The following MYO16 variants were observed in gnomAD, a reference collection of about 807,000 sequenced individuals.
The protein encoded by MYO16 is myosin XVI.
Under a neutral mutation model 205.3 loss-of-function variants are expected in MYO16, and 94 were observed. That is an observed-to-expected ratio of 0.46 (90% CI 0.39 to 0.54). The LOEUF (loss-of-function observed/expected upper bound fraction) is 0.54. Ranked by LOEUF, MYO16 falls within the 20% of genes least tolerant of loss-of-function variation. The probability of loss-of-function intolerance (pLI) is 0.00; values close to 1 mark genes in which losing one functional copy is unlikely to be tolerated. For missense variants in MYO16, 2,315 were observed against 2,387.5 expected, an observed-to-expected ratio of 0.97 and a Z score of 0.63; for synonymous variants, 988 against 954.0, an observed-to-expected ratio of 1.04 and a Z score of -0.66.
chr13:108,781,634 C>T (rs1118797), intron 4 of MYO16, among the ~76,000 whole-genome samples: 12,006 of 152,272 alleles, frequency 0.079, 610 homozygotes, highest in Non-Finnish European at 0.12. Context: ...GGCTCTTTTA[C>T]TGTCTTTCTC....
intron 1 of MYO16, among the ~76,000 whole-genome samples, chr13:108,659,039 C>T (rs1881370853): frequency 6.6e-6 from 1 of 151,350 alleles, no homozygotes; most frequent in Non-Finnish European, 1.5e-5. Flanking sequence ...GGTAGTTGTA[C>T]AGCAGAATAA....
intron 14 of MYO16, among the ~76,000 whole-genome samples, chr13:108,892,162 CAT>C (rs1235898798): frequency 6.6e-6 from 1 of 152,062 alleles, no homozygotes; most frequent in Non-Finnish European, 1.5e-5. Flanking sequence ...TCTGTGGTAT[CAT>C]GTGTGTTCAT....
chr13:108,970,756 G>C (rs565281660), intron 20 of MYO16, among the ~76,000 whole-genome samples: 2 of 152,324 alleles, frequency 1.3e-5, no homozygotes, highest in South Asian at 4.1e-4. Flanking sequence ...GCATGTGTGT[G>C]TGCTGGTTGC....
the MYO16 span, among the ~76,000 whole-genome samples, chr13:108,518,456 G>T: frequency 4.9e-3 from 742 of 152,202 alleles, 7 homozygotes; most frequent in African/African-American, 0.016. Flanking sequence ...ATTTTTTAGG[G>T]TCTTCTAAAT....
intron 3 of MYO16, among the ~76,000 whole-genome samples, chr13:108,725,387 T>A (rs1027623637): frequency 6.6e-6 from 1 of 152,312 alleles, no homozygotes; most frequent in Middle Eastern, 3.4e-3. Flanking sequence ...TGTTGGGTAT[T>A]CAATATTTTT....
At chr13:108,524,038 G>A in the MYO16 span, among the ~76,000 whole-genome samples, 6 of 152,070 alleles carry the variant, frequency 3.9e-5, no homozygotes, top group Non-Finnish European at 7.4e-5. Context: ...GGAGGCTCAC[G>A]CCTGTAATCC....
intron 12 of MYO16, among the ~76,000 whole-genome samples, chr13:108,878,322 G>T (rs1879424581): frequency 6.6e-6 from 1 of 152,098 alleles, no homozygotes; most frequent in Non-Finnish European, 1.5e-5. Context: ...CAGAAGAGTG[G>T]CAGAGAAGGA....
chr13:108,781,908 A>T (rs1411391676), intron 4 of MYO16, among the ~76,000 whole-genome samples: 1 of 152,158 alleles, frequency 6.6e-6, no homozygotes, highest in East Asian at 1.9e-4. Flanking sequence ...ACCTCCTGCC[A>T]TGATTCTGAC....
At chr13:108,764,747 T>C (rs1404305556) in intron 4 of MYO16, among the ~76,000 whole-genome samples, 2 of 152,202 alleles carry the variant, frequency 1.3e-5, no homozygotes, top group Non-Finnish European at 2.9e-5. Flanking sequence ...TATCTTTTAA[T>C]TGGATGGTTG....
At chr13:108,781,323 C>A (rs1886294948) in intron 4 of MYO16, among the ~76,000 whole-genome samples, 1 of 152,182 alleles carries the variant, frequency 6.6e-6, no homozygotes, top group Non-Finnish European at 1.5e-5. Context: ...GTCCAGGTTC[C>A]AGCCTATGCT....
the MYO16 span, among the ~76,000 whole-genome samples, chr13:108,495,814 AG>A: frequency 6.6e-6 from 1 of 151,612 alleles, no homozygotes; most frequent in African/African-American, 2.4e-5. Flanking sequence ...CCCCGGGCAC[AG>A]GGGCAACTGC....
At chr13:108,618,550 C>A (rs1879429901) in intron 1 of MYO16, among the ~76,000 whole-genome samples, 1 of 152,166 alleles carries the variant, frequency 6.6e-6, no homozygotes, top group Non-Finnish European at 1.5e-5. Flanking sequence ...CTCTTCCATG[C>A]CTCCATCTTG....
At chr13:108,740,282 T>C (rs1389767860) in intron 4 of MYO16, among the ~76,000 whole-genome samples, 2 of 152,176 alleles carry the variant, frequency 1.3e-5, no homozygotes, top group Admixed American at 1.3e-4. Flanking sequence ...ACCTTTGGTC[T>C]TTGATGATGG....
intron 1 of MYO16, among the ~76,000 whole-genome samples, chr13:108,633,406 G>A (rs7139488): frequency 5.9e-5 from 9 of 152,188 alleles, no homozygotes; most frequent in African/African-American, 1.4e-4. Flanking sequence ...GTCCAAAAGC[G>A]GAAGAACTTG....
intron 4 of MYO16, among the ~76,000 whole-genome samples, chr13:108,784,867 C>T (rs889666159): frequency 6.6e-6 from 1 of 152,082 alleles, no homozygotes; most frequent in East Asian, 1.9e-4. Flanking sequence ...TTTTATGGAG[C>T]TCATTAGGGA....
intron 2 of MYO16, among the ~76,000 whole-genome samples, chr13:108,690,338 A>G (rs1457470157): frequency 2.3e-5 from 1 of 44,166 alleles, no homozygotes; most frequent in Non-Finnish European, 4.0e-5. Flanking sequence ...CCATTTTTTC[A>G]TCTTAACTGC....
intron 5 of MYO16, among the ~76,000 whole-genome samples, chr13:108,787,313 G>T (rs1022801): frequency 1.3e-5 from 2 of 151,898 alleles, no homozygotes; most frequent in Non-Finnish European, 2.9e-5. Context: ...ATACTGCAAT[G>T]AATGGTTTAA....
At chr13:108,590,716 A>C in the MYO16 span, among the ~76,000 whole-genome samples, 1 of 152,092 alleles carries the variant, frequency 6.6e-6, no homozygotes, top group Non-Finnish European at 1.5e-5. Flanking sequence ...AGGCCTTGTG[A>C]AGACAGAGGT....
At chr13:108,828,864 T>C (rs1876438127) in intron 9 of MYO16, among the ~76,000 whole-genome samples, 1 of 152,186 alleles carries the variant, frequency 6.6e-6, no homozygotes, top group Non-Finnish European at 1.5e-5. Context: ...CCCTGCATCC[T>C]TGGGGAGGGG....
Sources: gnomAD v4.1 joint callset for allele counts (sites outside exome capture counted in the v4.1 genomes callset) on GRCh38, gnomAD v4.1.1 for gene constraint, MANE v1.5 for transcripts, NCBI Gene and HGNC (gene_info 2026-07-23, HGNC 2026-07-21) for gene names.